UBR3: variants seen among roughly 807,000 people sequenced by gnomAD.
UBR3 encodes the protein ubiquitin protein ligase E3 component n-recognin 3.
A neutral mutation model predicts 243.2 loss-of-function variants in UBR3; 85 were observed. That is an observed-to-expected ratio of 0.35 (90% CI 0.29 to 0.42). The LOEUF (loss-of-function observed/expected upper bound fraction) is 0.42. UBR3 is among the 10% of genes least tolerant of loss of function. The pLI is 1.00. For synonymous variants in UBR3, 748 were observed against 799.8 expected (o/e 0.94, Z 1.09); for missense variants, 1,686 against 2,300.8 (o/e 0.73, Z 5.47).
chr2:169,995,481 A>C (rs943121410), intron 26 of UBR3, among the ~76,000 whole-genome samples: 3 of 152,222 alleles, frequency 2.0e-5, no homozygotes, highest in African/African-American at 7.2e-5. Flanking sequence ...ACAGGAATTT[A>C]ACTCTTGTTT....
chr2:169,879,780 T>C (rs1347432126), intron 5 of UBR3, among the ~76,000 whole-genome samples: 4 of 152,230 alleles, frequency 2.6e-5, no homozygotes, highest in African/African-American at 4.8e-5. Flanking sequence ...AAAAAACTTA[T>C]GTAAATGGTT....
At chr2:169,898,741 G>T (rs1300907696) in intron 8 of UBR3, among the ~76,000 whole-genome samples, 1 of 131,174 alleles carries the variant, frequency 7.6e-6, no homozygotes, top group African/African-American at 3.0e-5. Context: ...TCGCTCTGTC[G>T]CCCAGGCTGG....
In UBR3 at chr2:170,057,062, T is replaced by G. The variant is rs944581740; in HGVS notation, c.4785+1478T>G. Among the ~76,000 whole-genome samples, 5 of 152,170 alleles carry G rather than the reference T, an allele frequency of 3.3e-5. No individual in the cohort carries two copies. In the South Asian group the frequency reaches 6.2e-4, roughly 19 times the overall value. Reference sequence around the variant, plus strand: ...TCTTTCTTGAAAGATTTTTTCCCCCTTGTTGCTGGTTAATTCTTGGACAGT... The same window carrying G: ...TCTTTCTTGAAAGATTTTTTCCCCCGTGTTGCTGGTTAATTCTTGGACAGT... On this transcript the variant is annotated intron_variant, in intron 33 of 38. Transcript: ENST00000272793.
At chr2:169,917,194 C>T (rs987261049) in intron 11 of UBR3, among the ~76,000 whole-genome samples, 4 of 152,134 alleles carry the variant, frequency 2.6e-5, no homozygotes, top group African/African-American at 7.2e-5. Flanking sequence ...TGATTCTTTG[C>T]CTTGTCTAAT....
chr2:169,926,944 A>T lies in UBR3; in HGVS notation c.2311A>T (p.Ile771Phe). 1.9e-6 allele frequency: 3 copies of T among 1,550,996 alleles called. No homozygotes were observed. Among genetic ancestry groups the T allele is most frequent in the Non-Finnish European group, 2.6e-6 (3 of 1,146,518 alleles). ...MLEGALTFLV[I>F]LLSLRLHLGM... is the part of the protein sequence containing the mutation. ...AGAAGGCGCTCTTACATTTCTTGTG[A>T]TTCTTTTGAGTCTTCGTTTACATTT... Residue 771 changes from isoleucine to phenylalanine, a missense_variant, in exon 16 of 39, where the codon ATT becomes TTT. Transcript: ENST00000272793.
At chr2:169,968,773 T>G (rs953654600) in intron 24 of UBR3, among the ~76,000 whole-genome samples, 4 of 152,216 alleles carry the variant, frequency 2.6e-5, no homozygotes, top group Non-Finnish European at 5.9e-5. Flanking sequence ...CATACTGTTT[T>G]TCATAGTTGC....
At position 170,007,203 on chromosome 2, in the gene UBR3, G is replaced by A. The variant is rs1470453283; in HGVS notation, c.4230+13G>A. On this transcript the variant is annotated intron_variant, in intron 28 of 38. Coordinates refer to ENST00000272793, the MANE Select transcript of UBR3 (RefSeq NM_172070.4). ...GGGAGCTTTCCCAGTAAGCATCAGT[G>A]TAAGGCATAAATATCCTGGTTAACT... 2 of 1,576,662 alleles carry A rather than the reference G, an allele frequency of 1.3e-6. No individual in the cohort carries two copies. Among genetic ancestry groups the A allele is most frequent in the Non-Finnish European group, 1.7e-6 (2 of 1,160,158 alleles).
At chr2:170,046,574 T>G (rs780548533) in intron 32 of UBR3, among the ~76,000 whole-genome samples, 4 of 152,236 alleles carry the variant, frequency 2.6e-5, no homozygotes, top group Non-Finnish European at 5.9e-5. Flanking sequence ...AAATACTTCA[T>G]GGATAATGTT....
rs536215822 is a variant in UBR3 at position 169,973,361 on chromosome 2, A to G, written c.3635-13284A>G. ...CTGCCCAAGGCAATTTACAGATTCAATGCCATCCCCATCAAGCTACCAATG... is the reference window on the plus strand; with the variant it reads ...CTGCCCAAGGCAATTTACAGATTCAGTGCCATCCCCATCAAGCTACCAATG... On this transcript the variant is annotated intron_variant, in intron 24 of 38. Transcript: ENST00000272793. Among the ~76,000 whole-genome samples the G allele has an allele frequency of 8.6e-4, 125 of 146,190 alleles. 1 individual carries two copies. The highest frequency in any genetic ancestry group is 2.9e-3 in the African/African-American group (112 of 39,290).
At chr2:169,939,567 T>G (rs1447482885) in intron 19 of UBR3, among the ~76,000 whole-genome samples, 2 of 143,132 alleles carry the variant, frequency 1.4e-5, no homozygotes, top group Non-Finnish European at 3.1e-5. Flanking sequence ...GTGCCAGGCC[T>G]TTTTTTTTCC....
intron 1 of UBR3, among the ~76,000 whole-genome samples, chr2:169,834,893 G>T (rs994547388): frequency 1.3e-5 from 2 of 152,168 alleles, no homozygotes; most frequent in African/African-American, 4.8e-5. Context: ...AAGACCTTAT[G>T]CCAAATGAAA....
intron 9 of UBR3, 62 bp downstream of exon 9, chr2:169,905,355 A>G: frequency 1.6e-6 from 2 of 1,253,816 alleles, no homozygotes. Flanking sequence ...TAAATTATTA[A>G]ATATCAATTA....
intron 32 of UBR3, among the ~76,000 whole-genome samples, chr2:170,044,452 GT>G (rs1001174550): frequency 6.6e-6 from 1 of 151,950 alleles, no homozygotes; most frequent in African/African-American, 2.4e-5. Context: ...TTAAAGACAA[GT>G]TTTTTTCTTT....
intron 12 of UBR3, 21 bp from the exon 13 acceptor site, chr2:169,924,063 C>CT: frequency 6.6e-7 from 1 of 1,525,916 alleles, no homozygotes; most frequent in Non-Finnish European, 8.8e-7. Flanking sequence ...GAATTAGTAA[C>CT]TTTTTTATTG....
chr2:169,952,650 G>A (rs563545741), intron 23 of UBR3, among the ~76,000 whole-genome samples: 5 of 151,996 alleles, frequency 3.3e-5, no homozygotes, highest in African/African-American at 9.7e-5. Flanking sequence ...AGCTGAGATC[G>A]CGCTGCTGCA....
intron 1 of UBR3, among the ~76,000 whole-genome samples, chr2:169,868,028 G>A (rs2083315184): frequency 6.6e-6 from 1 of 152,120 alleles, no homozygotes; most frequent in East Asian, 1.9e-4. Flanking sequence ...CTTTTTATTA[G>A]GGAAAATATC....
intron 5 of UBR3, among the ~76,000 whole-genome samples, chr2:169,888,872 T>G (rs953174880): frequency 2.6e-5 from 4 of 152,182 alleles, no homozygotes; most frequent in East Asian, 1.9e-4. Context: ...GGTACAGGTG[T>G]GCTATTATAT....
chr2:170,024,917 G>A (rs965812269), intron 30 of UBR3, among the ~76,000 whole-genome samples: 1 of 152,152 alleles, frequency 6.6e-6, no homozygotes, highest in African/African-American at 2.4e-5. Context: ...GAAGATGGTA[G>A]GAGCAAATAG....
chr2:169,932,935 G>C lies in UBR3; in HGVS notation c.2590G>C (p.Asp864His). Reference protein sequence around the residue: ...PKAEVWDQEFDPVMVILRTVY... With the variant: ...PKAEVWDQEFHPVMVILRTVY... Reference sequence around the variant, plus strand: ...AGCTGAAGTCTGGGATCAAGAGTTTGACCCCGTCATGGTCATTCTTCGAAC... The same window carrying C: ...AGCTGAAGTCTGGGATCAAGAGTTTCACCCCGTCATGGTCATTCTTCGAAC... The change falls in exon 19 of 39, where the codon GAC becomes CAC. Residue 864 changes from aspartate to histidine, a missense_variant. Around this residue, in one of 8 missense-constraint regions of UBR3, gnomAD observed 346 missense variants for 585.8 expected, o/e 0.59. Transcript: ENST00000272793. 1 of 1,543,466 alleles carries C rather than the reference G, an allele frequency of 6.5e-7. No homozygotes were observed. Among genetic ancestry groups the C allele is most frequent in the Non-Finnish European group, 8.7e-7 (1 of 1,144,732 alleles).
Sources: allele counts gnomAD v4.1 joint callset (sites outside exome capture counted in the v4.1 genomes callset), GRCh38; gene constraint gnomAD v4.1.1; regional missense constraint gnomAD v4.1.1; transcripts MANE v1.5; gene names NCBI Gene and HGNC (gene_info 2026-07-23, HGNC 2026-07-21).